Variants in LMTK3 observed in about 807,000 individuals in gnomAD.
LMTK3 encodes the protein serine/threonine-protein kinase LMTK3.
A neutral mutation model predicts 116.7 loss-of-function variants in LMTK3; 27 were observed. The ratio of observed to expected loss-of-function variants is 0.23; its 90% CI spans 0.17 to 0.32. LMTK3 has a LOEUF of 0.32. Ranked by LOEUF, LMTK3 falls within the 10% of genes least tolerant of loss-of-function variation. LMTK3 has a pLI of 1.00. For missense variants in LMTK3, 1,764 were observed against 2,068.5 expected, an observed-to-expected ratio of 0.85 and a Z score of 2.86; for synonymous variants, 965 against 971.0, an observed-to-expected ratio of 0.99 and a Z score of 0.11.
At position 48,511,537 on chromosome 19, in the gene LMTK3, A is replaced by G; in HGVS notation, c.40T>C (p.Ser14Pro). 7.0e-7 allele frequency: 1 copy of G among 1,424,340 alleles called. No individual in the cohort carries two copies. Among genetic ancestry groups the G allele is most frequent in the African/African-American group, 1.5e-5 (1 of 68,484 alleles). The allele number at this position is 1,424,340 out of a possible 1,614,324, so 88.2% of individuals were successfully genotyped here. The change falls in exon 1 of 15, where the codon TCC (serine) becomes CCC (proline). Residue 14 changes from serine to proline, a missense_variant. By Grantham distance (74) the Ser-to-Pro change is moderately conservative. This residue lies in a region of LMTK3 where 66 missense variants were observed against 61.1 expected (regional missense o/e 1.08). Transcript: ENST00000600059. ...PGALILLAAV[S>P]ASGCLASPAH... is the part of the protein sequence containing the mutation. ...GGGGACGCCAGGCAGCCGGAGGCGGAGACGGCCGCAAGGAGGATGAGGGCG... is the reference window on the plus strand; with the variant it reads ...GGGGACGCCAGGCAGCCGGAGGCGGGGACGGCCGCAAGGAGGATGAGGGCG...
chr19:48,500,066 G>C lies in LMTK3; in HGVS notation c.1152-149C>G. 1 of 702,908 alleles carries C rather than the reference G, an allele frequency of 1.4e-6. No individual in the cohort carries two copies. Among genetic ancestry groups the C allele is most frequent in the South Asian group, 2.0e-5 (1 of 50,686 alleles). 43.5% of individuals were successfully genotyped at this position (702,908 alleles called of 1,614,324 possible). A position where few individuals can be genotyped will look rare whatever the true frequency, so the allele number is the denominator to read the frequency against. The stretch of plus-strand genomic sequence containing the variant: ...AGGGGGACAGAGACCCAGAGAGAGG[G>C]GGACAGAGACCCAGAGACAGAGGGA... On this transcript the variant is annotated intron_variant, in intron 10 of 14. Coordinates refer to ENST00000600059, the MANE Select transcript of LMTK3 (RefSeq NM_001388485.1). This position sits in a 1 kb window ranked among gnomAD's most constrained non-coding sequence, Gnocchi z 4.0.
At position 48,497,638 on chromosome 19, in the gene LMTK3, T is replaced by C. The variant is rs972769621; in HGVS notation, c.3431A>G (p.Gln1144Arg). ...KAGWVDNTRP[Q>R]PPPPPLPPPP... ...CGGTGGCAGCGGTGGCGGCGGTGGC[T>C]GCGGCCTCGTGTTGTCTACCCATCC... Residue 1144 changes from glutamine (Q) to arginine (R), a missense_variant, in exon 11 of 15, where the codon CAG (glutamine) becomes CGG (arginine). Physicochemically the swap from Gln to Arg is conservative, Grantham distance 43. Around this residue, in one of 7 missense-constraint regions of LMTK3, gnomAD observed 1,028 missense variants for 1,050.6 expected, o/e 0.98. Coordinates refer to ENST00000600059, the MANE Select transcript of LMTK3 (RefSeq NM_001388485.1). The surrounding 1 kb of genome is among the most constrained non-coding windows in gnomAD (Gnocchi z 5.7). The C allele has an allele frequency of 7.7e-7, 1 of 1,300,504 alleles. No homozygotes were observed. The highest frequency in any genetic ancestry group is 9.7e-7 in the Non-Finnish European group (1 of 1,025,816). The allele number at this position is 1,300,504 out of a possible 1,614,324, so 80.6% of individuals were successfully genotyped here.
rs544925694 is a variant in LMTK3, at chr19:48,491,061, G to C, written c.4366+47C>G. 33 of 1,264,530 alleles carry C rather than the reference G, an allele frequency of 2.6e-5. 3 individuals are homozygous for C. The African/African-American group carries it at 2.9e-4, about 11-fold the overall frequency. The allele number at this position is 1,264,530 out of a possible 1,614,324, so 78.3% of individuals were successfully genotyped here. A position where few individuals can be genotyped will look rare whatever the true frequency, so the allele number is the denominator to read the frequency against. ...ACAAGAAGTTGGCAGTGGAACATAG[G>C]GGGACAGAGATGGGCAGAGGAGGGG... On this transcript the variant is annotated intron_variant, in intron 14 of 14. Transcript: ENST00000600059. This position sits in a 1 kb window ranked among gnomAD's most constrained non-coding sequence, Gnocchi z 5.1.
At position 48,501,297 on chromosome 19, in the gene LMTK3, G is replaced by T. The variant is rs1277686859; in HGVS notation, c.987C>A (p.Arg329=). Residue 329 remains arginine, a synonymous_variant, in exon 9 of 15, where the codon CGC becomes CGA. Coordinates refer to ENST00000600059, the MANE Select transcript of LMTK3 (RefSeq NM_001388485.1). ...HGTFMVVDQS[R]ESNIWSLGVT... ...GTGGTCCTCACCAGATGTTGCTCTCGCGGCTCTGGTCCACCACCATGAAGG... is the reference window on the plus strand; with the variant it reads ...GTGGTCCTCACCAGATGTTGCTCTCTCGGCTCTGGTCCACCACCATGAAGG... The T allele has an allele frequency of 1.9e-6, 3 of 1,613,522 alleles. No individual in the cohort carries two copies. The highest frequency in any genetic ancestry group is 2.5e-6 in the Non-Finnish European group (3 of 1,179,736).
At position 48,500,005 on chromosome 19, in the gene LMTK3, G is replaced by T; in HGVS notation, c.1152-88C>A. On this transcript the variant is annotated intron_variant, in intron 10 of 14. Coordinates refer to ENST00000600059, the MANE Select transcript of LMTK3 (RefSeq NM_001388485.1). This position sits in a 1 kb window ranked among gnomAD's most constrained non-coding sequence, Gnocchi z 4.0. ...AGGGGACAGACAACCAGAGAGAGGG[G>T]GACAGAGACCCAGAGGGTAACAGAG... 7.6e-7 allele frequency: 1 copy of T among 1,315,756 alleles called. No individual in the cohort carries two copies. Among genetic ancestry groups the T allele is most frequent in the Non-Finnish European group, 1.0e-6 (1 of 974,598 alleles). 81.5% of individuals were successfully genotyped at this position (1,315,756 alleles called of 1,614,324 possible). A position where few individuals can be genotyped will look rare whatever the true frequency, so the allele number is the denominator to read the frequency against.
At chr19:48,492,587 T>A (rs1402665988) in intron 12 of LMTK3, among the ~76,000 whole-genome samples, 1 of 152,098 alleles carries the variant, frequency 6.6e-6, no homozygotes, top group Non-Finnish European at 1.5e-5. Context: ...TAAGACTGCC[T>A]GCTCCATCTC....
At position 48,498,714 on chromosome 19, in the gene LMTK3, C is replaced by A. The variant is rs1053218593; in HGVS notation, c.2355G>T (p.Ser785=). 14 of 1,531,020 alleles carry A rather than the reference C, an allele frequency of 9.1e-6. No homozygotes were observed. The African/African-American group carries it at 1.5e-4, about 17-fold the overall frequency. 94.8% of individuals were successfully genotyped at this position (1,531,020 alleles called of 1,614,324 possible). A position where few individuals can be genotyped will look rare whatever the true frequency, so the allele number is the denominator to read the frequency against. The change falls in exon 11 of 15, where the codon TCG becomes TCT. Residue 785 remains serine (S), a synonymous_variant. Transcript: ENST00000600059. ...CGCTGTCCCCCGGCTTGGGGCCCGG[C>A]GACGAGAGGCCTGAACCGGGACTGG... The part of the protein sequence containing the change: ...AVASPGSGLS[S]PGPKPGDSGY...
intron 7 of LMTK3, 63 bp downstream of exon 7, chr19:48,502,370 G>C: frequency 6.6e-7 from 1 of 1,518,894 alleles, no homozygotes; most frequent in African/African-American, 1.4e-5. Context: ...CCCCTCCCCT[G>C]AGGCCTCACC....
rs1972405669 is a variant in LMTK3, at chr19:48,499,041, C to T, written c.2028G>A (p.Gly676=). The T allele has an allele frequency of 6.7e-7, 1 of 1,496,446 alleles. No individual in the cohort carries two copies. Among genetic ancestry groups the T allele is most frequent in the Non-Finnish European group, 8.9e-7 (1 of 1,124,414 alleles). The allele number at this position is 1,496,446 out of a possible 1,614,324, so 92.7% of individuals were successfully genotyped here. ...PLPCPLCSRE[G]ACSCLPLERG... is the part of the protein sequence containing the mutation. ...GCTCCAGTGGCAGGCAGGAGCAGGC[C>T]CCCTCGCGGCTGCACAGGGGACAGG... is the stretch of plus-strand genomic sequence containing the variant. Residue 676 remains glycine, a synonymous_variant, in exon 11 of 15, where the codon GGG becomes GGA. Transcript: ENST00000600059.
intron 12 of LMTK3, among the ~76,000 whole-genome samples, chr19:48,492,087 C>G (rs1049717696): frequency 2.0e-5 from 3 of 152,186 alleles, no homozygotes; most frequent in African/African-American, 4.8e-5. Context: ...GTTTCCATTC[C>G]TTTCATAATC....
chr19:48,511,161 C>G (rs760336482), intron 1 of LMTK3, among the ~76,000 whole-genome samples: 6 of 152,220 alleles, frequency 3.9e-5, no homozygotes, highest in Non-Finnish European at 7.3e-5. Flanking sequence ...GACAGCCTCC[C>G]GTGTTGTGTC....
chr19:48,506,315 G>A (rs1972569977), intron 5 of LMTK3, among the ~76,000 whole-genome samples: 1 of 151,782 alleles, frequency 6.6e-6, no homozygotes, highest in South Asian at 2.1e-4. Context: ...TAGGGGGTGA[G>A]CTCTCCTAGG....
intron 14 of LMTK3, among the ~76,000 whole-genome samples, chr19:48,486,689 G>A (rs1972130065): frequency 6.7e-6 from 1 of 148,996 alleles, no homozygotes; most frequent in Non-Finnish European, 1.5e-5. Flanking sequence ...AGGTGCCCAC[G>A]ACTACGCCCG....
chr19:48,501,780 C>T (rs941619014), intron 7 of LMTK3, among the ~76,000 whole-genome samples: 1 of 151,990 alleles, frequency 6.6e-6, no homozygotes, highest in Non-Finnish European at 1.5e-5. Context: ...CTCTCCTTTT[C>T]CTCTGCACTG....
At chr19:48,492,096 TCTC>T (rs1448667607) in intron 12 of LMTK3, among the ~76,000 whole-genome samples, 1 of 151,848 alleles carries the variant, frequency 6.6e-6, no homozygotes, top group Non-Finnish European at 1.5e-5. Flanking sequence ...CCTTTCATAA[TCTC>T]AGCCCAGTAT....
chr19:48,495,001 G>A (rs942070826), intron 11 of LMTK3, among the ~76,000 whole-genome samples: 14 of 151,236 alleles, frequency 9.3e-5, no homozygotes, highest in Non-Finnish European at 1.5e-4. Flanking sequence ...CTTCATAGAG[G>A]GAGTGTTTTT....
intron 11 of LMTK3, among the ~76,000 whole-genome samples, chr19:48,496,124 G>C (rs4802485): frequency 1.3e-5 from 2 of 152,008 alleles, no homozygotes; most frequent in Non-Finnish European, 2.9e-5. Context: ...GTTTTGTTTT[G>C]TTTGAGACAG....
At chr19:48,487,249 G>C (rs985613724) in intron 14 of LMTK3, among the ~76,000 whole-genome samples, 27 of 152,156 alleles carry the variant, frequency 1.8e-4, no homozygotes, top group African/African-American at 6.5e-4. Flanking sequence ...TGGCCAAGCT[G>C]GTCTCGAACT....
At chr19:48,501,590 G>T in intron 7 of LMTK3, 28 bp from the exon 8 acceptor site, 1 of 1,576,814 alleles carries the variant, frequency 6.3e-7, no homozygotes, top group Non-Finnish European at 8.6e-7. Flanking sequence ...GGAGGTGAGC[G>T]CAGGGGCAGC....
Sources: gnomAD v4.1 joint callset for allele counts (sites outside exome capture counted in the v4.1 genomes callset) on GRCh38, gnomAD v4.1.1 for gene constraint, gnomAD v4.1.1 regional missense constraint, Gnocchi (gnomAD v3.1) non-coding constraint, MANE v1.5 for transcripts, NCBI Gene and HGNC (gene_info 2026-07-23, HGNC 2026-07-21) for gene names.